The following PRKAR1A variants were observed in gnomAD, a reference collection of about 807,000 sequenced individuals.
The protein encoded by PRKAR1A is cAMP-dependent protein kinase type I-alpha regulatory subunit.
Under a neutral mutation model 52.0 loss-of-function variants are expected in PRKAR1A, and 3 were observed. The observed-to-expected ratio is 0.06, with a 90% CI of 0.03 to 0.15. PRKAR1A has a LOEUF of 0.15. Ranked by LOEUF, PRKAR1A falls within the 10% of genes least tolerant of loss-of-function variation. PRKAR1A has a pLI of 1.00. For synonymous variants in PRKAR1A, 188 were observed against 168.4 expected (o/e 1.12, Z -0.90); for missense variants, 240 against 477.4 (o/e 0.50, Z 4.63).
At chr17:68,446,471 T>A in the PRKAR1A span, among the ~76,000 whole-genome samples, 1 of 152,160 alleles carries the variant, frequency 6.6e-6, no homozygotes, top group Admixed American at 6.5e-5. Flanking sequence ...CATGAGCTAC[T>A]GTGCCCAGCC....
At chr17:68,428,817 C>T in the PRKAR1A span, 6 of 1,598,332 alleles carry the variant, frequency 3.8e-6, no homozygotes, top group African/African-American at 5.4e-5. Flanking sequence ...TTTTGAAAAG[C>T]AGTCTCTTCA....
chr17:68,549,380 G>A (rs1223101228), intron 11 of PRKAR1A, among the ~76,000 whole-genome samples: 2 of 151,978 alleles, frequency 1.3e-5, no homozygotes, highest in African/African-American at 4.8e-5. Flanking sequence ...TATAATCCCA[G>A]CTACTTGGGA....
At chr17:68,489,345 A>ATATATATATATGGAAAG in the PRKAR1A span, among the ~76,000 whole-genome samples, 3 of 104,022 alleles carry the variant, frequency 2.9e-5, no homozygotes, top group Non-Finnish European at 5.5e-5. Context: ...GAAAGTATAT[A>ATATATATATATGGAAAG]TATATATATA....
At position 68,533,253 on chromosome 17, in the gene PRKAR1A, T is replaced by G; in HGVS notation, c.*2804T>G. Reference sequence around the variant, plus strand: ...GAGTGAGATGATTAAGTTGTATTCATTAGTGTATTGGTATTTCTTCACATC... The same window carrying G: ...GAGTGAGATGATTAAGTTGTATTCAGTAGTGTATTGGTATTTCTTCACATC... On this transcript the variant is annotated 3_prime_UTR_variant, in exon 11 of 11. Coordinates refer to ENST00000589228, the MANE Select transcript of PRKAR1A (RefSeq NM_002734.5). The G allele has an allele frequency of 9.4e-7, 1 of 1,062,370 alleles. No individual in the cohort carries two copies. The highest frequency in any genetic ancestry group is 1.1e-6 in the Non-Finnish European group (1 of 876,824). 65.8% of individuals were successfully genotyped at this position (1,062,370 alleles called of 1,614,324 possible). A position where few individuals can be genotyped will look rare whatever the true frequency, so the allele number is the denominator to read the frequency against.
the PRKAR1A span, among the ~76,000 whole-genome samples, chr17:68,436,225 C>T: frequency 1.3e-5 from 2 of 152,136 alleles, no homozygotes; most frequent in South Asian, 2.1e-4. Context: ...ACAGCAAGCC[C>T]GAGGGGAAAT....
chr17:68,504,459 C>T, the PRKAR1A span, among the ~76,000 whole-genome samples: 1 of 152,098 alleles, frequency 6.6e-6, no homozygotes, highest in African/African-American at 2.4e-5. Context: ...GAGTGAGGTT[C>T]TGTCTCAAAA....
Position 68,548,310 on chromosome 17 carries a change from A to C in PRKAR1A, c.974-2774A>C, listed in dbSNP as rs187524376. Among the ~76,000 whole-genome samples, 473 of 152,224 alleles carry C rather than the reference A, an allele frequency of 3.1e-3. 3 individuals carry two copies. The highest frequency in any genetic ancestry group is 0.011 in the African/African-American group (457 of 41,520). ...TTTGGGAGGCTGAGGTGGGCGGATC[A>C]CCTGAGGTCGAGAGTTCGAGACCAG... On this transcript the variant is annotated intron_variant, in intron 11 of 11. Transcript: ENST00000585981.
the PRKAR1A span, among the ~76,000 whole-genome samples, chr17:68,487,374 T>C: frequency 5.9e-5 from 9 of 152,234 alleles, no homozygotes; most frequent in Non-Finnish European, 8.8e-5. Context: ...CCAAGTTAAT[T>C]AATCAATACT....
chr17:68,528,408 A>G (rs1012764163), intron 8 of PRKAR1A, among the ~76,000 whole-genome samples: 2 of 152,184 alleles, frequency 1.3e-5, no homozygotes, highest in African/African-American at 2.4e-5. Context: ...TGTGTTTTGG[A>G]TAGTAGTTTG....
In PRKAR1A at chr17:68,522,946, A is replaced by T. The variant is rs528673909; in HGVS notation, c.348+20A>T. The T allele has an allele frequency of 1.2e-6, 2 of 1,612,318 alleles. No homozygotes were observed. The highest frequency in any genetic ancestry group is 2.7e-5 in the African/African-American group (2 of 75,024). On this transcript the variant is annotated intron_variant, in intron 3 of 10. Coordinates refer to ENST00000589228, the MANE Select transcript of PRKAR1A (RefSeq NM_002734.5). ...AGAAAGGTAGTTTTGATATTTGAAT[A>T]TCGGGGGGATGCTTTTGGGACCCAC...
intron 11 of PRKAR1A, chr17:68,541,769 C>T (rs962801264): frequency 1.9e-6 from 1 of 534,278 alleles, no homozygotes. Flanking sequence ...CCCATAACAC[C>T]TAGTGTTGGG....
At chr17:68,427,309 G>A in the PRKAR1A span, 3 of 1,323,880 alleles carry the variant, frequency 2.3e-6, no homozygotes, top group Non-Finnish European at 3.2e-6. Context: ...ATATATCTAG[G>A]ACACCTTCCA....
the PRKAR1A span, chr17:68,436,240 T>C: frequency 8.2e-6 from 6 of 727,984 alleles, no homozygotes; most frequent in Middle Eastern, 4.0e-4. Context: ...GGAAATAGTA[T>C]CACCTTCTCT....
the PRKAR1A span, among the ~76,000 whole-genome samples, chr17:68,489,023 G>T: frequency 6.7e-6 from 1 of 148,830 alleles, no homozygotes; most frequent in Middle Eastern, 3.4e-3. Flanking sequence ...GAAAAAAAAT[G>T]CTCAGATTTT....
At chr17:68,465,759 G>A in the PRKAR1A span, among the ~76,000 whole-genome samples, 83 of 150,552 alleles carry the variant, frequency 5.5e-4, 1 homozygote, top group South Asian at 0.017. Context: ...ATGAGCCATC[G>A]CGCCCGGCCT....
At chr17:68,515,726 C>T in intron 2 of PRKAR1A, 150 bp downstream of exon 2, 2 of 965,556 alleles carry the variant, frequency 2.1e-6, no homozygotes, top group African/African-American at 1.7e-5. Flanking sequence ...ACAGTTAAGG[C>T]ATTTGTAGTA....
chr17:68,458,810 G>A, the PRKAR1A span, among the ~76,000 whole-genome samples: 1 of 152,144 alleles, frequency 6.6e-6, no homozygotes, highest in Non-Finnish European at 1.5e-5. Context: ...TGATATTTTA[G>A]TTATTGTTAT....
the PRKAR1A span, among the ~76,000 whole-genome samples, chr17:68,487,793 T>A: frequency 6.9e-6 from 1 of 145,848 alleles, no homozygotes; most frequent in South Asian, 2.1e-4. Flanking sequence ...GAGTAAGACC[T>A]CATCTCAGAC....
At chr17:68,471,933 T>C in the PRKAR1A span, among the ~76,000 whole-genome samples, 1 of 152,112 alleles carries the variant, frequency 6.6e-6, no homozygotes, top group Non-Finnish European at 1.5e-5. Context: ...CCCGAGTAGC[T>C]GGGATTACAG....
Sources: gnomAD v4.1 joint callset for allele counts (sites outside exome capture counted in the v4.1 genomes callset) on GRCh38, gnomAD v4.1.1 for gene constraint, MANE v1.5 for transcripts, NCBI Gene and HGNC (gene_info 2026-07-23, HGNC 2026-07-21) for gene names.